Variants in KCNB2 observed in about 807,000 individuals in gnomAD.
KCNB2 encodes the protein potassium voltage-gated channel subfamily B member 2.
A neutral mutation model predicts 61.5 loss-of-function variants in KCNB2; 15 were observed. The observed-to-expected ratio is 0.24, with a 90% confidence interval of 0.16 to 0.38. KCNB2 has a LOEUF of 0.38. Among genes scored for constraint, KCNB2 ranks in the 10% least tolerant of loss-of-function variants. The pLI, the probability that KCNB2 is intolerant of heterozygous loss-of-function variation, is 1.00. For missense variants in KCNB2, 828 were observed against 1,125.2 expected (o/e 0.74, Z 3.78); for synonymous variants, 457 against 446.0 (o/e 1.02, Z -0.31).
intron 2 of KCNB2, among the ~76,000 whole-genome samples, chr8:72,627,894 A>G (rs1805814767): frequency 6.6e-6 from 1 of 152,218 alleles, no homozygotes; most frequent in African/African-American, 2.4e-5. Context: ...TAGCATGTGT[A>G]AAACTGTGTT....
At chr8:72,821,015 G>A (rs1461144533) in intron 2 of KCNB2, among the ~76,000 whole-genome samples, 1 of 152,052 alleles carries the variant, frequency 6.6e-6, no homozygotes, top group East Asian at 1.9e-4. Flanking sequence ...TCTGTAACAT[G>A]TTCTGGTATT....
Position 72,937,821 on chromosome 8 carries a change from G to A in KCNB2, c.2466G>A (p.Arg822=), listed in dbSNP as rs888204249. Residue 822 remains arginine, a synonymous_variant, in exon 3 of 3, where the codon AGG becomes AGA. Transcript: ENST00000523207. Reference sequence around the variant, plus strand: ...ACTTCTTAGAGCTCCCAGGGGCAAGGGAGGAGAAGCAGGTGGACTCCAGCC... The same window carrying A: ...ACTTCTTAGAGCTCCCAGGGGCAAGAGAGGAGAAGCAGGTGGACTCCAGCC... ...DEDFLELPGA[R]EEKQVDSSPN... The A allele has an allele frequency of 1.9e-6, 3 of 1,613,918 alleles. No homozygotes were observed. The African/African-American group carries it at 4.0e-5, about 22-fold the overall frequency.
At chr8:72,549,887 G>T (rs1289448967) in intron 1 of KCNB2, among the ~76,000 whole-genome samples, 2 of 152,152 alleles carry the variant, frequency 1.3e-5, no homozygotes, top group Non-Finnish European at 2.9e-5. Flanking sequence ...TTATAGCATA[G>T]ACAAGAAACT....
At position 72,903,737 on chromosome 8, in the gene KCNB2, T is replaced by C. The variant is rs1806125627; in HGVS notation, c.580-32198T>C. Among the ~76,000 whole-genome samples the C allele has an allele frequency of 2.6e-5, 4 of 152,164 alleles. No individual in the cohort carries two copies. The South Asian group carries it at 8.3e-4, about 32-fold the overall frequency. ...GAAAGATGTTCTTTCCCATGAAAGA[T>C]GGACATCTAGGAAGCCAGATACCTC... On this transcript the variant is annotated intron_variant, in intron 2 of 2. Transcript: ENST00000523207.
At chr8:72,715,892 C>A (rs931274137) in intron 2 of KCNB2, among the ~76,000 whole-genome samples, 1 of 152,058 alleles carries the variant, frequency 6.6e-6, no homozygotes, top group African/African-American at 2.4e-5. Context: ...TTGAAAAGAT[C>A]ATCAAAATTG....
At chr8:72,764,232 A>G (rs1808428605) in intron 2 of KCNB2, among the ~76,000 whole-genome samples, 1 of 152,198 alleles carries the variant, frequency 6.6e-6, no homozygotes, top group South Asian at 2.1e-4. Flanking sequence ...CTGCTGGATG[A>G]TAGGCAACCA....
chr8:72,655,978 A>C (rs1806285110), intron 2 of KCNB2, among the ~76,000 whole-genome samples: 1 of 152,140 alleles, frequency 6.6e-6, no homozygotes, highest in Non-Finnish European at 1.5e-5. Context: ...TGGTCCTAAG[A>C]AAGGTCAAGA....
intron 2 of KCNB2, among the ~76,000 whole-genome samples, chr8:72,641,278 C>T (rs1218351865): frequency 6.6e-6 from 1 of 152,050 alleles, no homozygotes; most frequent in East Asian, 1.9e-4. Context: ...CATATTTTCT[C>T]ATCCCTAAAG....
intron 1 of KCNB2, among the ~76,000 whole-genome samples, chr8:72,547,348 T>G (rs1806274003): frequency 6.6e-6 from 1 of 152,218 alleles, no homozygotes; most frequent in Non-Finnish European, 1.5e-5. Flanking sequence ...AAGCCTATTA[T>G]TTCATAAATA....
intron 1 of KCNB2, among the ~76,000 whole-genome samples, chr8:72,546,813 A>G (rs552433563): frequency 3.9e-5 from 6 of 152,152 alleles, no homozygotes; most frequent in African/African-American, 1.4e-4. Context: ...TTTATTGAAA[A>G]TTTCTTTAAT....
chr8:72,657,160 T>C (rs1414603065), intron 2 of KCNB2, among the ~76,000 whole-genome samples: 1 of 152,286 alleles, frequency 6.6e-6, no homozygotes, highest in South Asian at 2.1e-4. Flanking sequence ...GAAATACAGT[T>C]ACTACTCCAC....
intron 1 of KCNB2, among the ~76,000 whole-genome samples, chr8:72,555,243 G>A (rs1036631973): frequency 1.3e-5 from 2 of 151,652 alleles, no homozygotes; most frequent in Admixed American, 6.6e-5. Context: ...CTCACCATGC[G>A]AATTAACTGC....
At chr8:72,577,592 C>T (rs1161303631) in intron 2 of KCNB2, among the ~76,000 whole-genome samples, 1 of 152,096 alleles carries the variant, frequency 6.6e-6, no homozygotes, top group African/African-American at 2.4e-5. Context: ...ATTAGTCTCC[C>T]AAGATTTTGT....
At chr8:72,824,121 A>C (rs1809557174) in intron 2 of KCNB2, among the ~76,000 whole-genome samples, 1 of 152,182 alleles carries the variant, frequency 6.6e-6, no homozygotes, top group African/African-American at 2.4e-5. Flanking sequence ...ACACAGTCTT[A>C]GCTGTGCAAT....
chr8:72,586,175 TTA>T (rs1806997949), intron 2 of KCNB2, among the ~76,000 whole-genome samples: 1 of 152,186 alleles, frequency 6.6e-6, no homozygotes, highest in South Asian at 2.1e-4. Flanking sequence ...AGAAAAACTT[TTA>T]TAAAATTAGC....
intron 2 of KCNB2, among the ~76,000 whole-genome samples, chr8:72,890,438 A>G (rs1007862134): frequency 1.3e-5 from 2 of 152,182 alleles, no homozygotes; most frequent in Non-Finnish European, 2.9e-5. Context: ...AGAGGCTTAT[A>G]CTATGCCGTC....
chr8:72,596,430 C>T (rs1260772205), intron 2 of KCNB2, among the ~76,000 whole-genome samples: 1 of 152,160 alleles, frequency 6.6e-6, no homozygotes, highest in Non-Finnish European at 1.5e-5. Flanking sequence ...GGCCTTTTGT[C>T]TCCACATATG....
At chr8:72,602,358 T>A (rs1428868912) in intron 2 of KCNB2, among the ~76,000 whole-genome samples, 1 of 152,198 alleles carries the variant, frequency 6.6e-6, no homozygotes, top group Non-Finnish European at 1.5e-5. Flanking sequence ...AGAATTTTGC[T>A]GCAGATGCTA....
chr8:72,674,923 C>T (rs557548431), intron 2 of KCNB2, among the ~76,000 whole-genome samples: 43 of 151,886 alleles, frequency 2.8e-4, no homozygotes, highest in Admixed American at 7.9e-4. Flanking sequence ...ATTTTTTTCT[C>T]GTGTAAAAAT....
Sources: allele counts gnomAD v4.1 joint callset (sites outside exome capture counted in the v4.1 genomes callset), GRCh38; gene constraint gnomAD v4.1.1; transcripts MANE v1.5; gene names NCBI Gene and HGNC (gene_info 2026-07-23, HGNC 2026-07-21).